LRFN5: variants seen among roughly 807,000 people sequenced by gnomAD.
The protein encoded by LRFN5 is leucine rich repeat and fibronectin type III domain containing 5.
Under a neutral mutation model 45.6 loss-of-function variants are expected in LRFN5, and 24 were observed. The ratio of observed to expected loss-of-function variants is 0.53; its 90% confidence interval spans 0.38 to 0.74. The LOEUF (loss-of-function observed/expected upper bound fraction) is 0.74, where lower values mean the gene tolerates loss of function less well. LRFN5 is among the 30% of genes least tolerant of loss of function. The pLI, the probability that LRFN5 is intolerant of heterozygous loss-of-function variation, is 0.00. For missense variants in LRFN5, 776 were observed against 861.5 expected (o/e 0.90, Z 1.24); for synonymous variants, 340 against 313.8 (o/e 1.08, Z -0.88).
intron 1 of LRFN5, among the ~76,000 whole-genome samples, chr14:41,618,954 A>G (rs1888016814): frequency 6.6e-6 from 1 of 152,138 alleles, no homozygotes; most frequent in Admixed American, 6.6e-5. Context: ...TAACATGTGC[A>G]TGATAAGTAA....
intron 2 of LRFN5, among the ~76,000 whole-genome samples, chr14:41,815,469 C>T (rs113934113): frequency 3.3e-5 from 5 of 152,040 alleles, no homozygotes; most frequent in African/African-American, 1.2e-4. Flanking sequence ...TGCGGTGGCT[C>T]ACTGGAATCT....
chr14:41,651,519 G>A (rs1373721577), intron 1 of LRFN5, among the ~76,000 whole-genome samples: 1 of 152,104 alleles, frequency 6.6e-6, no homozygotes. Context: ...TGTAGTGTAG[G>A]TAATTCTTTA....
chr14:41,673,964 T>A (rs1881418328), intron 1 of LRFN5, among the ~76,000 whole-genome samples: 1 of 140,568 alleles, frequency 7.1e-6, no homozygotes, highest in East Asian at 2.4e-4. Context: ...CCCACCTCCC[T>A]CCCGGACGGG....
At chr14:41,675,296 G>A (rs952551874) in intron 1 of LRFN5, among the ~76,000 whole-genome samples, 8 of 152,218 alleles carry the variant, frequency 5.3e-5, no homozygotes, top group African/African-American at 1.9e-4. Context: ...ACGCCACTGT[G>A]CTCCAGTCTG....
intron 2 of LRFN5, among the ~76,000 whole-genome samples, chr14:41,864,027 A>G (rs1411609374): frequency 2.4e-4 from 37 of 152,206 alleles, no homozygotes; most frequent in Non-Finnish European, 1.5e-5. Context: ...AAGGCTTCAT[A>G]GTATTCCATG....
chr14:41,626,262 G>A (rs1374136918), intron 1 of LRFN5, among the ~76,000 whole-genome samples: 1 of 152,082 alleles, frequency 6.6e-6, no homozygotes, highest in African/African-American at 2.4e-5. Flanking sequence ...GCCAGTATAT[G>A]CTACTTACTG....
chr14:41,849,476 G>T (rs972442866), intron 2 of LRFN5, among the ~76,000 whole-genome samples: 2 of 151,032 alleles, frequency 1.3e-5, no homozygotes, highest in Non-Finnish European at 3.0e-5. Flanking sequence ...GCTCTTTTCA[G>T]ACTCTGCCAG....
intron 1 of LRFN5, among the ~76,000 whole-genome samples, chr14:41,661,876 A>C (rs1273187431): frequency 6.6e-6 from 1 of 152,082 alleles, no homozygotes; most frequent in Non-Finnish European, 1.5e-5. Context: ...AAAGCCTGAC[A>C]TAAGGGGTTA....
At chr14:41,881,303 A>G (rs1028804762) in intron 2 of LRFN5, among the ~76,000 whole-genome samples, 1 of 151,942 alleles carries the variant, frequency 6.6e-6, no homozygotes, top group African/African-American at 2.4e-5. Context: ...CTTTTATTAG[A>G]TATAAAATTC....
At chr14:41,885,365 A>T (rs1331757062) in intron 2 of LRFN5, among the ~76,000 whole-genome samples, 1 of 151,696 alleles carries the variant, frequency 6.6e-6, no homozygotes, top group Admixed American at 6.6e-5. Context: ...AGAAAACCTG[A>T]TGCAACATAT....
chr14:41,685,634 T>C (rs562914137), intron 1 of LRFN5, among the ~76,000 whole-genome samples: 10 of 152,188 alleles, frequency 6.6e-5, no homozygotes, highest in Non-Finnish European at 1.5e-4. Context: ...CTTGGGTTAA[T>C]TTTTGTATAA....
chr14:41,774,417 C>T (rs2138899913), intron 2 of LRFN5, among the ~76,000 whole-genome samples: 1 of 152,236 alleles, frequency 6.6e-6, no homozygotes, highest in South Asian at 2.1e-4. Context: ...GCAAGAAAAA[C>T]ATTGGCAGTC....
At chr14:41,879,839 T>A (rs1327634426) in intron 2 of LRFN5, among the ~76,000 whole-genome samples, 1 of 151,224 alleles carries the variant, frequency 6.6e-6, no homozygotes, top group African/African-American at 2.4e-5. Context: ...GGGGATTTTG[T>A]ATTTTTTTAT....
chr14:41,844,359 C>G (rs184823408), intron 2 of LRFN5, among the ~76,000 whole-genome samples: 4,226 of 151,610 alleles, frequency 0.028, 196 homozygotes, highest in African/African-American at 0.097. Context: ...ATGGCGTGAA[C>G]CCAGGAGGCA....
chr14:41,783,460 C>T (rs973978491), intron 2 of LRFN5, among the ~76,000 whole-genome samples: 13 of 152,120 alleles, frequency 8.5e-5, no homozygotes, highest in South Asian at 4.2e-4. Context: ...ATATTTTGTT[C>T]GGCTCTTTAT....
chr14:41,745,767 T>C (rs1352419671), intron 1 of LRFN5, among the ~76,000 whole-genome samples: 1 of 146,542 alleles, frequency 6.8e-6, no homozygotes, highest in African/African-American at 2.5e-5. Context: ...TGAATAACCC[T>C]ACATGAAATG....
intron 1 of LRFN5, among the ~76,000 whole-genome samples, chr14:41,753,704 A>T (rs1002488040): frequency 5.3e-5 from 8 of 152,184 alleles, no homozygotes; most frequent in Non-Finnish European, 8.8e-5. Context: ...CAATCATGTC[A>T]TCTACAAACA....
At chr14:41,689,890 G>A (rs1172368476) in intron 1 of LRFN5, among the ~76,000 whole-genome samples, 38 of 74,992 alleles carry the variant, frequency 5.1e-4, no homozygotes, top group Admixed American at 7.6e-4. Context: ...GCGAGACTCC[G>A]TCTCAAAAAA....
chr14:41,680,386 C>T (rs1482484841), intron 1 of LRFN5, among the ~76,000 whole-genome samples: 1 of 152,136 alleles, frequency 6.6e-6, no homozygotes, highest in Non-Finnish European at 1.5e-5. Context: ...GCTTGTGTCA[C>T]TCCTCCCTCA....
Sources: gnomAD v4.1 joint callset for allele counts (sites outside exome capture counted in the v4.1 genomes callset) on GRCh38, gnomAD v4.1.1 for gene constraint, MANE v1.5 for transcripts, NCBI Gene and HGNC (gene_info 2026-07-23, HGNC 2026-07-21) for gene names.